KCNG1: variants seen among roughly 807,000 people sequenced by gnomAD.
KCNG1 encodes the protein potassium voltage-gated channel modifier subfamily G member 1, also known as voltage-gated potassium channel regulatory subunit KCNG1.
In KCNG1, 17 loss-of-function variants were observed where a neutral mutation model predicts 32.4. That is an observed-to-expected ratio of 0.52 (90% CI 0.36 to 0.79). KCNG1 has a LOEUF of 0.79. KCNG1 is among the 30% of genes least tolerant of loss of function. The probability of loss-of-function intolerance (pLI) is 0.00; values close to 1 mark genes in which losing one functional copy is unlikely to be tolerated. For missense variants in KCNG1, 441 were observed against 735.2 expected (o/e 0.60, Z 4.63); for synonymous variants, 358 against 339.9 (o/e 1.05, Z -0.59).
Position 51,011,795 on chromosome 20 carries a change from CTAT to C in KCNG1, c.-26-1434_-26-1432del, listed in dbSNP as rs911014415. On this transcript the variant is annotated intron_variant, in intron 1 of 2. Coordinates refer to ENST00000371571, the MANE Select transcript of KCNG1 (RefSeq NM_002237.4). ...ATAGTAGGTATTCAGTAACTATTGTCTATTATTATTATTATTTTTGAGACAGAG... is the reference window on the plus strand; with the variant it reads ...ATAGTAGGTATTCAGTAACTATTGTCTATTATTATTATTTTTGAGACAGAG... 2.0e-5 allele frequency among the ~76,000 whole-genome samples: 3 copies of C among 152,124 alleles called. No homozygotes were observed. In the South Asian group the frequency reaches 6.2e-4, roughly 32 times the overall value.
rs1429613176 is a variant in KCNG1, at chr20:51,004,932, C to CG, written c.775-127dup. 22 of 959,474 alleles carry CG rather than the reference C, an allele frequency of 2.3e-5. No individual in the cohort carries two copies. The highest frequency in any genetic ancestry group is 3.3e-5 in the Non-Finnish European group (22 of 668,406). 59.4% of individuals were successfully genotyped at this position (959,474 alleles called of 1,614,324 possible). A position where few individuals can be genotyped will look rare whatever the true frequency, so the allele number is the denominator to read the frequency against. ...GTGACCTCTCCAGGTTGAGTGGCCC[C>CG]GGGTCCTCTCCCTAGTTGTGCCCAC... On this transcript the variant is annotated intron_variant, in intron 2 of 2. Coordinates refer to ENST00000371571, the MANE Select transcript of KCNG1 (RefSeq NM_002237.4). The surrounding 1 kb of genome is among the most constrained non-coding windows in gnomAD (Gnocchi z 4.3).
intron 1 of KCNG1, among the ~76,000 whole-genome samples, chr20:51,010,922 CAAAACAAAAA>C (rs1166415738): frequency 1.8e-4 from 5 of 28,366 alleles, no homozygotes; most frequent in Admixed American, 1.2e-3. Flanking sequence ...CAAAACAAAA[CAAAACAAAAA>C]AAAAAGAAGA....
chr20:51,003,925 C>G lies in KCNG1; in HGVS notation c.*114G>C. The G allele has an allele frequency of 4.2e-6, 5 of 1,196,386 alleles. No individual in the cohort carries two copies. Among genetic ancestry groups the G allele is most frequent in the Middle Eastern group, 2.8e-4 (1 of 3,542 alleles). The allele number at this position is 1,196,386 out of a possible 1,614,324, so 74.1% of individuals were successfully genotyped here. ...TGTCCTTCCCCGGGTGCGTGGGAGTCGGTGCTGCGCCAGGACTGCACTCGG... is the reference window on the plus strand; with the variant it reads ...TGTCCTTCCCCGGGTGCGTGGGAGTGGGTGCTGCGCCAGGACTGCACTCGG... On this transcript the variant is annotated 3_prime_UTR_variant, in exon 3 of 3. Coordinates refer to ENST00000371571, the MANE Select transcript of KCNG1 (RefSeq NM_002237.4).
intron 1 of KCNG1, among the ~76,000 whole-genome samples, chr20:51,020,724 C>T (rs1988449084): frequency 6.6e-6 from 1 of 152,118 alleles, no homozygotes; most frequent in African/African-American, 2.4e-5. Context: ...CATTGGAAAG[C>T]AGGGTGGAGA....
In KCNG1 at chr20:51,004,075, G is replaced by A. The variant is rs1231613269; in HGVS notation, c.1506C>T (p.Phe502=). The part of the protein sequence containing the change: ...LSVSQDSDIL[F]GSASSDTRDN... ...CTCTGGTGTCCGAGGAGGCACTTCC[G>A]AACAAGATGTCACTGTCCTGGGACA... Residue 502 remains phenylalanine (F), a synonymous_variant, in exon 3 of 3, where the codon TTC becomes TTT. Transcript: ENST00000371571. The surrounding 1 kb of genome is among the most constrained non-coding windows in gnomAD (Gnocchi z 4.3). 7 of 1,614,176 alleles carry A rather than the reference G, an allele frequency of 4.3e-6. No individual in the cohort carries two copies. Among genetic ancestry groups the A allele is most frequent in the South Asian group, 3.3e-5 (3 of 91,066 alleles).
At chr20:51,008,206 A>G (rs369970957) in intron 2 of KCNG1, among the ~76,000 whole-genome samples, 1 of 152,290 alleles carries the variant, frequency 6.6e-6, no homozygotes, top group South Asian at 2.1e-4. Context: ...TCTCATACAC[A>G]AGGAGACTGA....
chr20:51,008,604 A>C (rs1987931545), intron 2 of KCNG1, among the ~76,000 whole-genome samples: 1 of 151,950 alleles, frequency 6.6e-6, no homozygotes, highest in South Asian at 2.1e-4. Flanking sequence ...AAGTGTTGGA[A>C]TTATAGGTGT....
chr20:51,020,197 G>A (rs1244204278), intron 1 of KCNG1, among the ~76,000 whole-genome samples: 3 of 152,188 alleles, frequency 2.0e-5, no homozygotes, highest in Non-Finnish European at 4.4e-5. Context: ...CCAAATGCAC[G>A]TTTGCGTTTG....
intron 1 of KCNG1, among the ~76,000 whole-genome samples, chr20:51,011,275 TC>T (rs1207849795): frequency 2.0e-5 from 3 of 152,226 alleles, no homozygotes; most frequent in Non-Finnish European, 4.4e-5. Context: ...GCAGCTGACA[TC>T]CTAGTGGATT....
rs144409882 is a variant in KCNG1 at position 51,016,384 on chromosome 20, C to A, written c.-26-6020G>T. The stretch of plus-strand genomic sequence containing the variant: ...CCTGGAAGGCAGAGGTTGCAGTGAG[C>A]GGAGATGGTGCCATTGCACTCCAGC... On this transcript the variant is annotated intron_variant, in intron 1 of 2. Coordinates refer to ENST00000371571, the MANE Select transcript of KCNG1 (RefSeq NM_002237.4). Among the ~76,000 whole-genome samples the A allele has an allele frequency of 7.4e-3, 1,129 of 151,882 alleles. 12 individuals are homozygous for A. Among genetic ancestry groups the A allele is most frequent in the African/African-American group, 0.025 (1,034 of 41,392 alleles).
At chr20:51,016,372 G>T (rs1199850516) in intron 1 of KCNG1, among the ~76,000 whole-genome samples, 1 of 152,284 alleles carries the variant, frequency 6.6e-6, no homozygotes, top group South Asian at 2.1e-4. Flanking sequence ...GGAAGGCAGA[G>T]GTTGCAGTGA....
At position 51,004,729 on chromosome 20, in the gene KCNG1, G is replaced by A. The variant is rs560550631; in HGVS notation, c.852C>T (p.Leu284=). ...TGCTGGGCGCCTGAATGAGCCGCAG[G>A]AGGAACTCCAGGGAGAACCAGCCCA... ...VCVGWFSLEF[L]LRLIQAPSKF... The change falls in exon 3 of 3, where the codon CTC becomes CTT. Residue 284 remains leucine (L), a synonymous_variant. Transcript: ENST00000371571. The surrounding 1 kb of genome is among the most constrained non-coding windows in gnomAD (Gnocchi z 4.3). The A allele has an allele frequency of 3.8e-6, 6 of 1,595,890 alleles. No individual in the cohort carries two copies. Among genetic ancestry groups the A allele is most frequent in the Non-Finnish European group, 5.1e-6 (6 of 1,171,256 alleles).
At position 51,004,688 on chromosome 20, in the gene KCNG1, C is replaced by T. The variant is rs1268781567; in HGVS notation, c.893G>A (p.Arg298Gln). The T allele has an allele frequency of 6.3e-6, 10 of 1,599,938 alleles. No homozygotes were observed. The highest frequency in any genetic ancestry group is 1.1e-5 in the South Asian group (1 of 88,684). Residue 298 changes from arginine to glutamine, a missense_variant, in exon 3 of 3, where the codon CGG becomes CAG. Arg to Gln is a conservative substitution (Grantham distance 43, BLOSUM62 1). Around this residue, in one of 6 missense-constraint regions of KCNG1, gnomAD observed 169 missense variants for 297.7 expected, o/e 0.57. Transcript: ENST00000371571. The surrounding 1 kb of genome is among the most constrained non-coding windows in gnomAD (Gnocchi z 4.3). ...IQAPSKFAFLRSPLTLIDLVA... is the reference protein window; with the variant it reads ...IQAPSKFAFLQSPLTLIDLVA... ...CAGGTCGATCAGCGTCAGCGGGCTC[C>T]GCAGGAAGGCGAACTTGCTGGGCGC... is the stretch of plus-strand genomic sequence containing the variant.
chr20:51,004,555 C>T lies in KCNG1; in HGVS notation c.1026G>A (p.Leu342=), dbSNP rs775769131. ...NSYLDKVGLV[L]RVLRALRILY... is the part of the protein sequence containing the mutation. The stretch of plus-strand genomic sequence containing the variant: ...GGATGCGCAGCGCCCGCAGCACGCG[C>T]AGCACCAGCCCCACCTTGTCCAGGT... Residue 342 remains leucine (L), a synonymous_variant, in exon 3 of 3, where the codon CTG becomes CTA. Coordinates refer to ENST00000371571, the MANE Select transcript of KCNG1 (RefSeq NM_002237.4). The surrounding 1 kb of genome is among the most constrained non-coding windows in gnomAD (Gnocchi z 4.3). 1 of 1,584,476 alleles carries T rather than the reference C, an allele frequency of 6.3e-7. No individual in the cohort carries two copies. The highest frequency in any genetic ancestry group is 1.1e-5 in the South Asian group (1 of 88,338).
In KCNG1 at chr20:51,022,279, C is replaced by A. The variant is rs12373875; in HGVS notation, c.-27+591G>T. 2.3e-3 allele frequency among the ~76,000 whole-genome samples: 355 copies of A among 152,348 alleles called. 1 individual carries two copies. The highest frequency in any genetic ancestry group is 8.2e-3 in the African/African-American group (339 of 41,574). ...CCATACCTCCGGGCTGAGCCTCTCT[C>A]CCACATGGAAACCCTAAGGCTGAGA... On this transcript the variant is annotated intron_variant, in intron 1 of 2. Transcript: ENST00000371571.
rs990950445 is a variant in KCNG1 at position 51,006,304 on chromosome 20, T to C, written c.775-1498A>G. On this transcript the variant is annotated intron_variant, in intron 2 of 2. Transcript: ENST00000371571. ...TATTATTATCTTTTCAAAAAGCAAG[T>C]ATCAGAAGTTGAACAAAACAGTGGC... 4 of 152,324 alleles carry C rather than the reference T, an allele frequency of 2.6e-5. No homozygotes were observed. The East Asian group carries it at 7.7e-4, about 29-fold the overall frequency. The allele number at this position is 152,324 out of a possible 1,614,324, so 9.4% of individuals were successfully genotyped here. A position where few individuals can be genotyped will look rare whatever the true frequency, so the allele number is the denominator to read the frequency against.
chr20:51,004,909 G>T lies in KCNG1; in HGVS notation c.775-103C>A. ...CTGCTGGGCTTCCCAGGCGGAAGGT[G>T]ACCTCTCCAGGTTGAGTGGCCCCGG... On this transcript the variant is annotated intron_variant, in intron 2 of 2. Transcript: ENST00000371571. This position sits in a 1 kb window ranked among gnomAD's most constrained non-coding sequence, Gnocchi z 4.3. The T allele has an allele frequency of 7.9e-7, 1 of 1,258,556 alleles. No homozygotes were observed. Among genetic ancestry groups the T allele is most frequent in the Non-Finnish European group, 1.1e-6 (1 of 934,708 alleles). 78.0% of individuals were successfully genotyped at this position (1,258,556 alleles called of 1,614,324 possible). A position where few individuals can be genotyped will look rare whatever the true frequency, so the allele number is the denominator to read the frequency against.
intron 1 of KCNG1, among the ~76,000 whole-genome samples, chr20:51,018,895 C>A (rs1988373148): frequency 6.6e-6 from 1 of 152,188 alleles, no homozygotes; most frequent in Non-Finnish European, 1.5e-5. Flanking sequence ...GGTGTCTCCA[C>A]CCCTTGCAGT....
At chr20:51,012,222 G>GCCTCAA (rs2123244983) in intron 1 of KCNG1, 1 of 152,348 alleles carries the variant, frequency 6.6e-6, no homozygotes, top group East Asian at 1.9e-4. Flanking sequence ...GTTTGCTCAG[G>GCCTCAA]GGTCAGCAAA....
Sources: gnomAD v4.1 joint callset for allele counts (sites outside exome capture counted in the v4.1 genomes callset) on GRCh38, gnomAD v4.1.1 for gene constraint, gnomAD v4.1.1 regional missense constraint, Gnocchi (gnomAD v3.1) non-coding constraint, MANE v1.5 for transcripts, NCBI Gene and HGNC (gene_info 2026-07-23, HGNC 2026-07-21) for gene names.